The following MERTK variants were observed in gnomAD, a reference collection of about 807,000 sequenced individuals.
MERTK encodes tyrosine-protein kinase Mer.
In MERTK, 69 loss-of-function variants were observed where a neutral mutation model predicts 99.3. The observed-to-expected ratio is 0.70, with a 90% confidence interval of 0.57 to 0.85. The LOEUF (loss-of-function observed/expected upper bound fraction) is 0.85. MERTK is among the 40% of genes least tolerant of loss of function. The pLI, the probability that MERTK is intolerant of heterozygous loss-of-function variation, is 0.00. For missense variants in MERTK, 1,125 were observed against 1,249.4 expected, an observed-to-expected ratio of 0.90 and a Z score of 1.50; for synonymous variants, 426 against 467.6, an observed-to-expected ratio of 0.91 and a Z score of 1.15.
intron 1 of MERTK, among the ~76,000 whole-genome samples, chr2:111,917,523 C>A (rs1195234833): frequency 1.3e-5 from 2 of 152,290 alleles, no homozygotes; most frequent in Admixed American, 1.3e-4. Context: ...GTTCTTGAGT[C>A]CTGAGGTTCC....
intron 7 of MERTK, among the ~76,000 whole-genome samples, chr2:111,976,815 C>A (rs1676262996): frequency 6.7e-6 from 1 of 148,294 alleles, no homozygotes; most frequent in Non-Finnish European, 1.5e-5. Context: ...ATTTTTTATT[C>A]TTTGTTTGGC....
chr2:111,933,926 T>A (rs1321784466), intron 2 of MERTK, among the ~76,000 whole-genome samples: 1 of 132,608 alleles, frequency 7.5e-6, no homozygotes, highest in Non-Finnish European at 1.5e-5. Context: ...TGTGTCCACG[T>A]GTTCTCATTG....
chr2:111,990,574 G>T lies in MERTK; in HGVS notation c.1297-3677G>T, dbSNP rs115126659. Among the ~76,000 whole-genome samples the T allele has an allele frequency of 6.3e-3, 961 of 152,226 alleles. 11 individuals carry two copies. Among genetic ancestry groups the T allele is most frequent in the African/African-American group, 0.022 (919 of 41,534 alleles). Reference sequence around the variant, plus strand: ...GAAATTCAAAAAGTAACCTTTCTGGGGTTTCCTACTGAGTCATAGGCCCTA... The same window carrying T: ...GAAATTCAAAAAGTAACCTTTCTGGTGTTTCCTACTGAGTCATAGGCCCTA... On this transcript the variant is annotated intron_variant, in intron 8 of 18. Coordinates refer to ENST00000295408, the MANE Select transcript of MERTK (RefSeq NM_006343.3).
At chr2:112,015,949 GCTCTTGT>G (rs1336612192) in intron 15 of MERTK, 1 of 105,080 alleles carries the variant, frequency 9.5e-6, no homozygotes, top group Admixed American at 1.0e-4. Flanking sequence ...CCATTGAGTT[GCTCTTGT>G]ACCTTTGTCT....
chr2:112,001,306 C>A lies in MERTK; in HGVS notation c.1690+20C>A. ...TTACCTGTAAGTTGACTTTCATTTC[C>A]CTTTTTGGCAAAAGTTAAAATAGTT... On this transcript the variant is annotated intron_variant, in intron 11 of 18. Transcript: ENST00000295408. The A allele has an allele frequency of 6.3e-7, 1 of 1,585,988 alleles. No homozygotes were observed. Among genetic ancestry groups the A allele is most frequent in the Non-Finnish European group, 8.7e-7 (1 of 1,154,468 alleles).
At chr2:111,945,939 C>T (rs1684954269) in intron 3 of MERTK, among the ~76,000 whole-genome samples, 1 of 152,226 alleles carries the variant, frequency 6.6e-6, no homozygotes, top group Non-Finnish European at 1.5e-5. Flanking sequence ...TCCTGACCTT[C>T]CTTGTCACAG....
chr2:111,900,164 T>G (rs72823472), intron 1 of MERTK, among the ~76,000 whole-genome samples: 5,058 of 152,258 alleles, frequency 0.033, 123 homozygotes, highest in Middle Eastern at 0.092. Context: ...AAGCTCAGTT[T>G]ATAGTCAAGT....
At chr2:112,020,733 G>A in intron 16 of MERTK, 1 of 468,958 alleles carries the variant, frequency 2.1e-6, no homozygotes, top group Non-Finnish European at 4.4e-6. Flanking sequence ...CCTCTGGGAG[G>A]AAGGCTGCTG....
At chr2:111,905,661 G>A (rs970383811) in intron 1 of MERTK, among the ~76,000 whole-genome samples, 4 of 151,994 alleles carry the variant, frequency 2.6e-5, no homozygotes, top group Admixed American at 6.5e-5. Flanking sequence ...TAGAGACAAC[G>A]TTTCACAATG....
At chr2:111,906,711 A>G (rs1480472420) in intron 1 of MERTK, among the ~76,000 whole-genome samples, 2 of 152,242 alleles carry the variant, frequency 1.3e-5, no homozygotes, top group Non-Finnish European at 2.9e-5. Flanking sequence ...AGATTTGGTG[A>G]TGAAAGCAAT....
chr2:112,008,339 T>A (rs1380243305), intron 13 of MERTK, 44 bp from the exon 14 acceptor site: 1 of 1,470,834 alleles, frequency 6.8e-7, no homozygotes. Context: ...TCCCCTTAAT[T>A]GAGTAAATTA....
chr2:111,959,693 CAACTTCTGGACTTGAACTCTCG>C (rs1685209092), intron 4 of MERTK, among the ~76,000 whole-genome samples: 1 of 152,010 alleles, frequency 6.6e-6, no homozygotes, highest in Non-Finnish European at 1.5e-5. Flanking sequence ...CAGGGTGGGG[CAACTTCTGGACTTGAACTCTCG>C]AACTTCTGGA....
At chr2:111,953,167 C>T (rs757410509) in intron 4 of MERTK, among the ~76,000 whole-genome samples, 1 of 152,110 alleles carries the variant, frequency 6.6e-6, no homozygotes, top group Non-Finnish European at 1.5e-5. Flanking sequence ...CAGGGGCCAT[C>T]GGGTACCAAA....
intron 1 of MERTK, among the ~76,000 whole-genome samples, chr2:111,923,261 T>C (rs1404633486): frequency 6.6e-6 from 1 of 152,212 alleles, no homozygotes; most frequent in South Asian, 2.1e-4. Context: ...GGGCAGTATG[T>C]GAATAAACAT....
intron 6 of MERTK, among the ~76,000 whole-genome samples, chr2:111,970,255 C>T (rs1240397276): frequency 6.6e-6 from 1 of 151,556 alleles, no homozygotes; most frequent in East Asian, 1.9e-4. Flanking sequence ...CTCCTGGGTG[C>T]AAGCAATTCT....
At chr2:112,008,083 G>A (rs762594729) in intron 13 of MERTK, among the ~76,000 whole-genome samples, 26 of 152,060 alleles carry the variant, frequency 1.7e-4, no homozygotes, top group Admixed American at 3.9e-4. Flanking sequence ...TTACATTAGG[G>A]TTCACTCTTG....
At chr2:111,972,636 C>T (rs140015206) in intron 6 of MERTK, among the ~76,000 whole-genome samples, 8 of 152,224 alleles carry the variant, frequency 5.3e-5, no homozygotes, top group African/African-American at 1.7e-4. Context: ...TGTTCTTGTC[C>T]CCCTTGGCTA....
intron 1 of MERTK, among the ~76,000 whole-genome samples, chr2:111,904,831 C>T (rs367763784): frequency 1.4e-4 from 21 of 152,242 alleles, no homozygotes; most frequent in African/African-American, 4.6e-4. Flanking sequence ...ATGCAAAGGG[C>T]GCCAGGTGCA....
chr2:112,009,571 C>T (rs964673325), intron 14 of MERTK, among the ~76,000 whole-genome samples: 1 of 152,130 alleles, frequency 6.6e-6, no homozygotes, highest in Non-Finnish European at 1.5e-5. Context: ...AGGGTTGTAG[C>T]GTTAAGGAAT....
Sources: gnomAD v4.1 joint callset for allele counts (sites outside exome capture counted in the v4.1 genomes callset) on GRCh38, gnomAD v4.1.1 for gene constraint, MANE v1.5 for transcripts, NCBI Gene and HGNC (gene_info 2026-07-23, HGNC 2026-07-21) for gene names.